Variants in NKAIN2 observed in about 807,000 individuals in gnomAD.
NKAIN2 encodes the protein sodium/potassium-transporting ATPase subunit beta-1-interacting protein 2.
Under a neutral mutation model 32.6 loss-of-function variants are expected in NKAIN2, and 14 were observed. The ratio of observed to expected loss-of-function variants is 0.43; its 90% CI spans 0.28 to 0.67. The LOEUF (loss-of-function observed/expected upper bound fraction) is 0.67. Among genes scored for constraint, NKAIN2 ranks in the 30% least tolerant of loss-of-function variants. The pLI is 0.17. For synonymous variants in NKAIN2, 80 were observed against 87.2 expected, an observed-to-expected ratio of 0.92 and a Z score of 0.46; for missense variants, 198 against 258.3, an observed-to-expected ratio of 0.77 and a Z score of 1.60.
intron 1 of NKAIN2, among the ~76,000 whole-genome samples, chr6:124,058,661 C>T (rs1445107422): frequency 2.0e-5 from 3 of 152,102 alleles, no homozygotes; most frequent in African/African-American, 4.8e-5. Flanking sequence ...GAGCCACACT[C>T]AGTCACCTGT....
chr6:124,226,196 T>A (rs1163866300), intron 1 of NKAIN2, among the ~76,000 whole-genome samples: 32 of 151,906 alleles, frequency 2.1e-4, no homozygotes, highest in Non-Finnish European at 2.9e-5. Flanking sequence ...GGCTGTTTTT[T>A]AAAAAAAATT....
chr6:123,940,561 A>G (rs1474112275), intron 1 of NKAIN2, among the ~76,000 whole-genome samples: 1 of 152,066 alleles, frequency 6.6e-6, no homozygotes, highest in African/African-American at 2.4e-5. Context: ...ACAAGCCTGT[A>G]TAGCATGTTA....
intron 1 of NKAIN2, among the ~76,000 whole-genome samples, chr6:124,195,680 A>G (rs1790279298): frequency 6.6e-6 from 1 of 152,074 alleles, no homozygotes; most frequent in Non-Finnish European, 1.5e-5. Context: ...TTTCATAACA[A>G]TTCCTCAATG....
At chr6:123,969,041 G>A (rs1282169867) in intron 1 of NKAIN2, among the ~76,000 whole-genome samples, 1 of 152,034 alleles carries the variant, frequency 6.6e-6, no homozygotes, top group African/African-American at 2.4e-5. Flanking sequence ...GACTAAATGT[G>A]ATTTGAATAT....
At chr6:124,816,187 G>A (rs1781156237) in intron 5 of NKAIN2, among the ~76,000 whole-genome samples, 1 of 152,132 alleles carries the variant, frequency 6.6e-6, no homozygotes, top group South Asian at 2.1e-4. Flanking sequence ...CAGCCAGAAA[G>A]GGCTACATGC....
intron 1 of NKAIN2, among the ~76,000 whole-genome samples, chr6:123,963,836 G>T (rs1777959818): frequency 6.6e-6 from 1 of 152,080 alleles, no homozygotes; most frequent in Non-Finnish European, 1.5e-5. Context: ...TTTTAGACAG[G>T]TTAAATTTAT....
Position 124,571,353 on chromosome 6 carries a change from T to C in NKAIN2, c.274-86833T>C, listed in dbSNP as rs545626956. Among the ~76,000 whole-genome samples the C allele has an allele frequency of 2.0e-5, 3 of 152,228 alleles. No homozygotes were observed. In the South Asian group the frequency reaches 6.2e-4, roughly 32 times the overall value. ...AGATTCGGAGGGGCCAGGCGTGGAA[T>C]GATAAGGTTTGTCTGTGTCCCCACC... is the stretch of plus-strand genomic sequence containing the variant. On this transcript the variant is annotated intron_variant, in intron 3 of 6. Transcript: ENST00000368417.
intron 1 of NKAIN2, among the ~76,000 whole-genome samples, chr6:124,049,490 A>G (rs1397197): frequency 0.13 from 20,024 of 152,038 alleles, 2,072 homozygotes; most frequent in African/African-American, 0.29. Context: ...TGTCCATCAA[A>G]GTACCCATTT....
intron 1 of NKAIN2, among the ~76,000 whole-genome samples, chr6:124,073,508 A>G (rs747894329): frequency 7.2e-5 from 11 of 152,160 alleles, no homozygotes; most frequent in Non-Finnish European, 1.5e-4. Flanking sequence ...GAGTGACTCT[A>G]TGTGAGAGTT....
chr6:124,137,430 C>T (rs1786872541), intron 1 of NKAIN2, among the ~76,000 whole-genome samples: 1 of 152,082 alleles, frequency 6.6e-6, no homozygotes, highest in Non-Finnish European at 1.5e-5. Flanking sequence ...AATGACCATG[C>T]TGCCAAAAGC....
At position 124,552,437 on chromosome 6, in the gene NKAIN2, C is replaced by T. The variant is rs73567560; in HGVS notation, c.274-105749C>T. On this transcript the variant is annotated intron_variant, in intron 3 of 6. Transcript: ENST00000368417. ...ATCTTCAGCTCATATCCTTTATAAT[C>T]CAGTAGCTGGTGGCCAACTCTGACC... Among the ~76,000 whole-genome samples, 522 of 152,306 alleles carry T rather than the reference C, an allele frequency of 3.4e-3. 3 individuals are homozygous for T. The highest frequency in any genetic ancestry group is 0.012 in the African/African-American group (501 of 41,560).
At chr6:124,600,012 G>A (rs1368566994) in intron 3 of NKAIN2, among the ~76,000 whole-genome samples, 1 of 152,064 alleles carries the variant, frequency 6.6e-6, no homozygotes, top group East Asian at 1.9e-4. Flanking sequence ...CTCCCAAATG[G>A]ATTTCATTAT....
intron 1 of NKAIN2, among the ~76,000 whole-genome samples, chr6:124,065,298 C>A (rs1466926169): frequency 6.6e-6 from 1 of 152,092 alleles, no homozygotes; most frequent in African/African-American, 2.4e-5. Flanking sequence ...AATATGCACT[C>A]ACTAGCTGCC....
intron 1 of NKAIN2, among the ~76,000 whole-genome samples, chr6:124,128,861 G>A (rs997754848): frequency 6.6e-6 from 1 of 152,316 alleles, no homozygotes; most frequent in Admixed American, 6.5e-5. Context: ...CTTAACGTGT[G>A]AATGTCTGAA....
At chr6:123,998,743 CTG>C (rs34410164) in intron 1 of NKAIN2, among the ~76,000 whole-genome samples, 44,167 of 133,888 alleles carry the variant, frequency 0.33, 7,333 homozygotes, top group South Asian at 0.44. Flanking sequence ...CTCTCTCTCT[CTG>C]TGTGTGTGTG....
At chr6:123,820,168 C>G (rs1773865297) in intron 1 of NKAIN2, among the ~76,000 whole-genome samples, 1 of 152,120 alleles carries the variant, frequency 6.6e-6, no homozygotes, top group African/African-American at 2.4e-5. Flanking sequence ...TATGTGCCAC[C>G]CACTGGACTA....
intron 1 of NKAIN2, among the ~76,000 whole-genome samples, chr6:124,115,268 C>CA (rs1178847566): frequency 6.6e-6 from 1 of 151,812 alleles, no homozygotes; most frequent in African/African-American, 2.4e-5. Context: ...AAAGGACTTA[C>CA]AAAAAACATG....
intron 3 of NKAIN2, among the ~76,000 whole-genome samples, chr6:124,438,423 T>C (rs946787172): frequency 6.6e-6 from 1 of 152,206 alleles, no homozygotes; most frequent in African/African-American, 2.4e-5. Context: ...CAATTATTCC[T>C]TTTGTGTTTT....
chr6:124,699,362 A>G (rs1019839204), intron 4 of NKAIN2, among the ~76,000 whole-genome samples: 3 of 152,146 alleles, frequency 2.0e-5, no homozygotes, highest in Non-Finnish European at 4.4e-5. Context: ...ACGGCAACCC[A>G]GGAAAGTGCC....
Sources: gnomAD v4.1 joint callset for allele counts (sites outside exome capture counted in the v4.1 genomes callset) on GRCh38, gnomAD v4.1.1 for gene constraint, MANE v1.5 for transcripts, NCBI Gene and HGNC (gene_info 2026-07-23, HGNC 2026-07-21) for gene names.